Variants in COL4A3 observed in about 807,000 individuals in gnomAD.
The protein encoded by COL4A3 is collagen type IV alpha 3 chain.
Under a neutral mutation model 217.4 loss-of-function variants are expected in COL4A3, and 135 were observed. That is an observed-to-expected ratio of 0.62 (90% CI 0.54 to 0.72). The LOEUF is 0.72. COL4A3 is among the 30% of genes least tolerant of loss of function. The probability of loss-of-function intolerance (pLI) is 0.00; values close to 1 mark genes in which losing one functional copy is unlikely to be tolerated. For synonymous variants in COL4A3, 690 were observed against 736.3 expected (o/e 0.94, Z 1.02); for missense variants, 1,868 against 2,119.9 (o/e 0.88, Z 2.33).
chr2:227,211,400 G>A (rs1363648421), intron 1 of COL4A3, among the ~76,000 whole-genome samples: 1 of 152,154 alleles, frequency 6.6e-6, no homozygotes, highest in East Asian at 1.9e-4. Context: ...CATGCATGGG[G>A]TTTCTCAGTT....
rs1263838678 is a variant in COL4A3 at position 227,282,032 on chromosome 2, G to A, written c.2489-333G>A. On this transcript the variant is annotated intron_variant, in intron 31 of 51. Transcript: ENST00000396578. The surrounding 1 kb of genome is among the most constrained non-coding windows in gnomAD (Gnocchi z 4.4). ...CATGCCTGTAATCCCAGCACTATGG[G>A]AGGCCGAGGTGGGCGGATCATTTGA... Among the ~76,000 whole-genome samples the A allele has an allele frequency of 2.0e-5, 3 of 152,180 alleles. No individual in the cohort carries two copies. Among genetic ancestry groups the A allele is most frequent in the Non-Finnish European group, 4.4e-5 (3 of 68,042 alleles).
Position 227,277,451 on chromosome 2 carries a change from A to T in COL4A3, c.2023A>T (p.Ile675Phe), listed in dbSNP as rs1232338023. Reference protein sequence around the residue: ...GHPGPQGPPGIPGSLGKCGDP... With the variant: ...GHPGPQGPPGFPGSLGKCGDP... The stretch of plus-strand genomic sequence containing the variant: ...GCATATGTGTATTTGTTTCTAAGGT[A>T]TCCCTGGATCCCTGGGGAAATGTGG... The change falls in exon 28 of 52, where the codon ATC becomes TTC. Residue 675 changes from isoleucine to phenylalanine, a missense_variant and splice_region_variant. Ile to Phe is a conservative substitution (Grantham distance 21). Coordinates refer to ENST00000396578, the MANE Select transcript of COL4A3 (RefSeq NM_000091.5). 1 of 1,602,474 alleles carries T rather than the reference A, an allele frequency of 6.2e-7. No individual in the cohort carries two copies. Among genetic ancestry groups the T allele is most frequent in the African/African-American group, 1.3e-5 (1 of 74,808 alleles).
At chr2:227,166,788 AT>A (rs1039298818) in intron 1 of COL4A3, among the ~76,000 whole-genome samples, 2 of 152,234 alleles carry the variant, frequency 1.3e-5, no homozygotes, top group Admixed American at 6.5e-5. Context: ...AGAAAAAGGA[AT>A]CACAACGTTC....
intron 1 of COL4A3, among the ~76,000 whole-genome samples, chr2:227,207,634 T>C (rs978283603): frequency 1.3e-5 from 2 of 152,202 alleles, no homozygotes; most frequent in Middle Eastern, 3.4e-3. Context: ...TAGTTAGGGG[T>C]TCACATACGC....
chr2:227,313,931 A>G lies in COL4A3; in HGVS notation c.*2061A>G, dbSNP rs1161999604. On this transcript the variant is annotated 3_prime_UTR_variant, in exon 52 of 52. Coordinates refer to ENST00000396578, the MANE Select transcript of COL4A3 (RefSeq NM_000091.5). ...CTAGGGACCACTCCAGACCTACACA[A>G]TCAGAAACTCTTGGGGGAGGGCCCG... is the stretch of plus-strand genomic sequence containing the variant. 6.6e-6 allele frequency: 1 copy of G among 152,224 alleles called. No homozygotes were observed. The highest frequency in any genetic ancestry group is 1.5e-5 in the Non-Finnish European group (1 of 68,046). 9.4% of individuals were successfully genotyped at this position (152,224 alleles called of 1,614,324 possible).
At position 227,293,298 on chromosome 2, in the gene COL4A3, T is replaced by C. The variant is rs1449574997; in HGVS notation, c.3318T>C (p.Pro1106=). The change falls in exon 38 of 52, where the codon CCT becomes CCC. Residue 1106 remains proline (P), a synonymous_variant. Transcript: ENST00000396578. ...GACCTGAGGGAGCCCCTGGAAGTCC[T>C]GGAAGTCCTGGCCTCCCAGGTAAGG... is the stretch of plus-strand genomic sequence containing the variant. ...PAGPEGAPGS[P]GSPGLPGKPG... 1.2e-6 allele frequency: 2 copies of C among 1,613,798 alleles called. No individual in the cohort carries two copies. Among genetic ancestry groups the C allele is most frequent in the South Asian group, 2.2e-5 (2 of 91,048 alleles).
chr2:227,291,926 C>T (rs977697666), intron 37 of COL4A3, among the ~76,000 whole-genome samples: 6 of 152,270 alleles, frequency 3.9e-5, no homozygotes, highest in African/African-American at 1.4e-4. Flanking sequence ...CAGAGATAGA[C>T]CACTAGAGAA....
chr2:227,209,342 A>C (rs13420402), intron 1 of COL4A3, among the ~76,000 whole-genome samples: 1 of 152,186 alleles, frequency 6.6e-6, no homozygotes, highest in Non-Finnish European at 1.5e-5. Flanking sequence ...AGACTGGCCC[A>C]GTGGCCTTAG....
At chr2:227,197,799 G>A (rs1188506898) in intron 1 of COL4A3, among the ~76,000 whole-genome samples, 2 of 152,176 alleles carry the variant, frequency 1.3e-5, no homozygotes, top group African/African-American at 2.4e-5. Context: ...ATGGTGGTGA[G>A]GGTTCCCCCA....
intron 5 of COL4A3, among the ~76,000 whole-genome samples, chr2:227,245,462 A>G (rs888909829): frequency 2.6e-5 from 4 of 152,210 alleles, no homozygotes; most frequent in African/African-American, 9.6e-5. Context: ...ATACGGTACC[A>G]TTCTATATAA....
intron 1 of COL4A3, among the ~76,000 whole-genome samples, chr2:227,184,783 A>G (rs2065963763): frequency 6.6e-6 from 1 of 151,322 alleles, no homozygotes; most frequent in Admixed American, 6.6e-5. Flanking sequence ...GAGCATTTTA[A>G]ATATATAGAA....
intron 1 of COL4A3, among the ~76,000 whole-genome samples, chr2:227,236,008 A>G (rs1452167696): frequency 1.5e-5 from 2 of 136,258 alleles, no homozygotes; most frequent in Non-Finnish European, 3.3e-5. Flanking sequence ...TCCTGACCTC[A>G]GGTGATCCGC....
At chr2:227,229,768 G>A (rs770274472) in intron 1 of COL4A3, among the ~76,000 whole-genome samples, 10 of 152,126 alleles carry the variant, frequency 6.6e-5, no homozygotes, top group Non-Finnish European at 1.0e-4. Context: ...AAATTTCCCG[G>A]CCGGGCGCGG....
Position 227,235,129 on chromosome 2 carries a change from G to C in COL4A3, c.88-2839G>C, listed in dbSNP as rs566473126. Among the ~76,000 whole-genome samples the C allele has an allele frequency of 6.4e-3, 964 of 150,530 alleles. 4 individuals carry two copies. The highest frequency in any genetic ancestry group is 0.015 in the Admixed American group (229 of 15,224). On this transcript the variant is annotated intron_variant, in intron 1 of 51. Transcript: ENST00000396578. The stretch of plus-strand genomic sequence containing the variant: ...ATGCTGTGAGGGAGTAGCATGCTCG[G>C]GGGTGGGAGGGGGCACTGAGGACTT...
intron 26 of COL4A3, among the ~76,000 whole-genome samples, chr2:227,274,470 A>T: frequency 6.7e-6 from 1 of 149,372 alleles, no homozygotes. Flanking sequence ...ATAAATATTT[A>T]TGTTTATCTG....
intron 1 of COL4A3, 24 bp from the exon 2 acceptor site, chr2:227,237,944 C>T (rs2068788844): frequency 1.3e-6 from 2 of 1,587,002 alleles, no homozygotes; most frequent in Non-Finnish European, 1.7e-6. Flanking sequence ...CTAAACAAAA[C>T]CCTTTCTCTT....
At chr2:227,226,287 C>T (rs1415356103) in intron 1 of COL4A3, among the ~76,000 whole-genome samples, 1 of 152,082 alleles carries the variant, frequency 6.6e-6, no homozygotes, top group Non-Finnish European at 1.5e-5. Context: ...TTCTTCCAGT[C>T]CCCAAATTGT....
chr2:227,260,620 C>T lies in COL4A3; in HGVS notation c.1115-462C>T, dbSNP rs181065436. On this transcript the variant is annotated intron_variant, in intron 19 of 51. Coordinates refer to ENST00000396578, the MANE Select transcript of COL4A3 (RefSeq NM_000091.5). The stretch of plus-strand genomic sequence containing the variant: ...ATTTAAATAAAAGGACAGATGAATA[C>T]AGACATTGATATAGATTTTCTTAAA... Among the ~76,000 whole-genome samples the T allele has an allele frequency of 5.4e-3, 816 of 152,262 alleles. 7 individuals are homozygous for T. The highest frequency in any genetic ancestry group is 0.019 in the African/African-American group (790 of 41,536).
Position 227,282,793 on chromosome 2 carries a change from T to C in COL4A3, c.2656+261T>C, listed in dbSNP as rs2072066350. ...CTATAATATACTTGCTAGTATTTTGTTGAGAATTTTTGCATTTATATTGAG... is the reference window on the plus strand; with the variant it reads ...CTATAATATACTTGCTAGTATTTTGCTGAGAATTTTTGCATTTATATTGAG... On this transcript the variant is annotated intron_variant, in intron 32 of 51. Transcript: ENST00000396578. This position sits in a 1 kb window ranked among gnomAD's most constrained non-coding sequence, Gnocchi z 4.4. 6.6e-6 allele frequency among the ~76,000 whole-genome samples: 1 copy of C among 152,234 alleles called. No individual in the cohort carries two copies. Among genetic ancestry groups the C allele is most frequent in the African/African-American group, 2.4e-5 (1 of 41,454 alleles).
Sources: gnomAD v4.1 joint callset for allele counts (sites outside exome capture counted in the v4.1 genomes callset) on GRCh38, gnomAD v4.1.1 for gene constraint, Gnocchi (gnomAD v3.1) non-coding constraint, MANE v1.5 for transcripts, NCBI Gene and HGNC (gene_info 2026-07-23, HGNC 2026-07-21) for gene names.